The following ADGRL2 variants were observed in gnomAD, a reference collection of about 807,000 sequenced individuals.
ADGRL2 encodes adhesion G protein-coupled receptor L2.
Under a neutral mutation model 157.4 loss-of-function variants are expected in ADGRL2, and 44 were observed. The ratio of observed to expected loss-of-function variants is 0.28; its 90% confidence interval spans 0.22 to 0.36. The LOEUF (loss-of-function observed/expected upper bound fraction) is 0.36, where lower values mean the gene tolerates loss of function less well. Ranked by LOEUF, ADGRL2 falls within the 10% of genes least tolerant of loss-of-function variation. ADGRL2 has a pLI of 1.00. For missense variants in ADGRL2, 1,510 were observed against 1,768.9 expected (o/e 0.85, Z 2.63); for synonymous variants, 585 against 624.7 (o/e 0.94, Z 0.95).
chr1:81,957,899 C>T (rs1160039075), intron 11 of ADGRL2, among the ~76,000 whole-genome samples: 2 of 151,904 alleles, frequency 1.3e-5, no homozygotes, highest in Non-Finnish European at 1.5e-5. Flanking sequence ...GGCATGGTGG[C>T]TCATGCCTGC....
intron 1 of ADGRL2, among the ~76,000 whole-genome samples, chr1:81,351,191 G>A (rs61768903): frequency 6.6e-6 from 1 of 151,180 alleles, no homozygotes; most frequent in African/African-American, 2.4e-5. Flanking sequence ...ACTTATACAA[G>A]TTGTCAGTCC....
At position 81,918,621 on chromosome 1, in the gene ADGRL2, G is replaced by A. The variant is rs151007141; in HGVS notation, c.287+11391G>A. On this transcript the variant is annotated intron_variant, in intron 3 of 23. Coordinates refer to ENST00000686636, the MANE Select transcript of ADGRL2 (RefSeq NM_001366006.2). ...GGCACAGGCTGGAGCAGTGTAGCAA[G>A]CACGAGCTCTTGTGGCAGTGTGGGT... 2.5e-3 allele frequency among the ~76,000 whole-genome samples: 373 copies of A among 152,234 alleles called. 1 individual carries two copies. Among genetic ancestry groups the A allele is most frequent in the Non-Finnish European group, 3.9e-3 (268 of 68,028 alleles).
chr1:81,371,808 C>T (rs1365677322), intron 1 of ADGRL2, among the ~76,000 whole-genome samples: 1 of 152,050 alleles, frequency 6.6e-6, no homozygotes, highest in Non-Finnish European at 1.5e-5. Flanking sequence ...ATTCATTATT[C>T]AATAAATTCC....
intron 3 of ADGRL2, among the ~76,000 whole-genome samples, chr1:81,934,540 T>C (rs2148826119): frequency 6.6e-6 from 1 of 152,082 alleles, no homozygotes; most frequent in South Asian, 2.1e-4. Flanking sequence ...TTCACCTTAA[T>C]AGCAAAGTCT....
rs1183774749 is a variant in ADGRL2 at position 81,958,108 on chromosome 1, T to G, written c.2017+2048T>G. Among the ~76,000 whole-genome samples the G allele has an allele frequency of 2.7e-5, 4 of 150,836 alleles. No homozygotes were observed. The East Asian group carries it at 7.9e-4, about 30-fold the overall frequency. ...CAGTCTCTACTAAATGTACAAAAAA[T>G]TAGCCAGGCGTGGTGGGGGGTGCCT... is the stretch of plus-strand genomic sequence containing the variant. On this transcript the variant is annotated intron_variant, in intron 11 of 23. Coordinates refer to ENST00000686636, the MANE Select transcript of ADGRL2 (RefSeq NM_001366006.2).
chr1:81,408,325 T>A (rs28412278), intron 1 of ADGRL2, among the ~76,000 whole-genome samples: 24,555 of 151,956 alleles, frequency 0.16, 2,230 homozygotes, highest in South Asian at 0.28. Flanking sequence ...TCATTTTTTT[T>A]AAATTTCTTC....
At chr1:81,897,616 T>C (rs192564883) in intron 2 of ADGRL2, among the ~76,000 whole-genome samples, 1 of 152,290 alleles carries the variant, frequency 6.6e-6, no homozygotes, top group African/African-American at 2.4e-5. Context: ...AAAAGGCTTT[T>C]CAGAAGTAGT....
intron 1 of ADGRL2, among the ~76,000 whole-genome samples, chr1:81,372,552 C>T (rs1338904309): frequency 6.6e-6 from 1 of 152,104 alleles, no homozygotes; most frequent in African/African-American, 2.4e-5. Context: ...ACAGTTTTAC[C>T]TCATCAGATG....
chr1:81,555,997 GA>G lies in ADGRL2; in HGVS notation c.-247-24868del, dbSNP rs200263885. On this transcript the variant is annotated intron_variant, in intron 2 of 24. Coordinates refer to the ADGRL2 transcript ENST00000370721. ...GTATCACTGCTCCTACTACATTCCTGAAAAAAAAAAAGTAAACACCACACAA... is the reference window on the plus strand; with the variant it reads ...GTATCACTGCTCCTACTACATTCCTGAAAAAAAAAAGTAAACACCACACAA... 3.5e-3 allele frequency among the ~76,000 whole-genome samples: 497 copies of G among 141,970 alleles called. 4 individuals carry two copies. The highest frequency in any genetic ancestry group is 0.029 in the East Asian group (144 of 4,946). 93.1% of individuals were successfully genotyped at this position (141,970 alleles called of 152,430 possible). A position where few individuals can be genotyped will look rare whatever the true frequency, so the allele number is the denominator to read the frequency against.
chr1:81,398,454 T>G (rs2076694858), intron 1 of ADGRL2, among the ~76,000 whole-genome samples: 1 of 152,182 alleles, frequency 6.6e-6, no homozygotes, highest in African/African-American at 2.4e-5. Context: ...TTTTCTCTTT[T>G]TTTCTCTATC....
chr1:81,756,356 G>A lies in ADGRL2; in HGVS notation c.-142-5455G>A, dbSNP rs376002983. 2.5e-4 allele frequency among the ~76,000 whole-genome samples: 38 copies of A among 152,048 alleles called. 2 individuals carry two copies. In the East Asian group the frequency reaches 7.2e-3, roughly 29 times the overall value. On this transcript the variant is annotated intron_variant, in intron 1 of 20. Coordinates refer to the ADGRL2 transcript ENST00000359929. ...CATTCATTCATTATTCACTGAATAT[G>A]CATTTTCTTAATGCTTATGATTATT...
intron 2 of ADGRL2, among the ~76,000 whole-genome samples, chr1:81,879,802 A>C (rs1016672550): frequency 6.6e-6 from 1 of 152,060 alleles, no homozygotes; most frequent in Non-Finnish European, 1.5e-5. Flanking sequence ...ACTTGAGGCC[A>C]GGAGTCCTGA....
In ADGRL2 at chr1:81,471,096, C is replaced by A. The variant is rs2078162650; in HGVS notation, c.-248+26007C>A. 3.3e-5 allele frequency among the ~76,000 whole-genome samples: 5 copies of A among 152,264 alleles called. No individual in the cohort carries two copies. The South Asian group carries it at 1.0e-3, about 32-fold the overall frequency. ...TTTTGAGGTCTAAATAAGGTAAGAT[C>A]TGTTAAGCACATTGCAGGATTGGGA... On this transcript the variant is annotated intron_variant, in intron 2 of 24. Coordinates refer to the ADGRL2 transcript ENST00000370721.
chr1:81,356,842 A>G (rs184092677), intron 1 of ADGRL2, among the ~76,000 whole-genome samples: 56 of 150,910 alleles, frequency 3.7e-4, no homozygotes, highest in Middle Eastern at 3.4e-3. Flanking sequence ...AGTCCCAGCT[A>G]CTCGGGAGGC....
chr1:81,348,327 T>C (rs1662628373), intron 1 of ADGRL2, among the ~76,000 whole-genome samples: 2 of 152,124 alleles, frequency 1.3e-5, no homozygotes, highest in South Asian at 4.2e-4. Flanking sequence ...ATTCAGATGT[T>C]CCTGGTGTTT....
intron 1 of ADGRL2, among the ~76,000 whole-genome samples, chr1:81,382,011 A>G (rs1413834056): frequency 6.6e-6 from 1 of 152,120 alleles, no homozygotes; most frequent in Non-Finnish European, 1.5e-5. Context: ...TTCTCCCTGA[A>G]TATTTGTTCC....
chr1:81,400,827 G>A (rs774586006), intron 1 of ADGRL2, among the ~76,000 whole-genome samples: 9 of 152,136 alleles, frequency 5.9e-5, no homozygotes, highest in Non-Finnish European at 1.0e-4. Flanking sequence ...TCCAGCTCCA[G>A]GGAAGTAGAG....
At chr1:81,678,935 C>T (rs1229113105) in intron 3 of ADGRL2, among the ~76,000 whole-genome samples, 1 of 152,160 alleles carries the variant, frequency 6.6e-6, no homozygotes, top group African/African-American at 2.4e-5. Flanking sequence ...TGATGAAATA[C>T]TAAATATCAG....
chr1:81,425,016 A>G (rs935607076), intron 1 of ADGRL2, among the ~76,000 whole-genome samples: 1 of 152,196 alleles, frequency 6.6e-6, no homozygotes, highest in African/African-American at 2.4e-5. Context: ...TGAAAGTCTA[A>G]TACTCTGTTT....
Sources: allele counts gnomAD v4.1 joint callset (sites outside exome capture counted in the v4.1 genomes callset), GRCh38; gene constraint gnomAD v4.1.1; transcripts MANE v1.5; gene names NCBI Gene and HGNC (gene_info 2026-07-23, HGNC 2026-07-21).